The following ARHGAP35 variants were observed in gnomAD, a reference collection of about 807,000 sequenced individuals.
The protein encoded by ARHGAP35 is Rho GTPase activating protein 35, also known as rho GTPase-activating protein 35.
ARHGAP35 carries 15 observed loss-of-function variants against 111.1 expected under a neutral mutation model. That is an observed-to-expected ratio of 0.13 (90% confidence interval 0.09 to 0.21). ARHGAP35 has a LOEUF of 0.21. Ranked by LOEUF, ARHGAP35 falls within the 10% of genes least tolerant of loss-of-function variation. The pLI is 1.00. For missense variants in ARHGAP35, 1,262 were observed against 1,873.0 expected, an observed-to-expected ratio of 0.67 and a Z score of 6.02; for synonymous variants, 643 against 710.3, an observed-to-expected ratio of 0.91 and a Z score of 1.51.
intron 1 of ARHGAP35, among the ~76,000 whole-genome samples, chr19:46,870,952 A>G (rs1264186860): frequency 6.6e-6 from 1 of 152,232 alleles, no homozygotes; most frequent in East Asian, 1.9e-4. Context: ...ATGATGGGGC[A>G]TAATTCCCTT....
chr19:46,961,814 C>CGTGCTAATAA (rs2056484142), intron 3 of ARHGAP35, among the ~76,000 whole-genome samples: 1 of 152,066 alleles, frequency 6.6e-6, no homozygotes, highest in Non-Finnish European at 1.5e-5. Flanking sequence ...CCTGTAGTCC[C>CGTGCTAATAA]AACTACTCGG....
rs919586690 is a variant in ARHGAP35, at chr19:46,945,583, C to G, written c.3826+8175C>G. 5.9e-5 allele frequency among the ~76,000 whole-genome samples: 9 copies of G among 152,044 alleles called. No individual in the cohort carries two copies. Among genetic ancestry groups the G allele is most frequent in the African/African-American group, 2.2e-4 (9 of 41,402 alleles). Reference sequence around the variant, plus strand: ...CCTTCCTAGGATTCAAGAAATCTGACAGCATAGGAACCCCCTGAGGCAGCT... The same window carrying G: ...CCTTCCTAGGATTCAAGAAATCTGAGAGCATAGGAACCCCCTGAGGCAGCT... On this transcript the variant is annotated intron_variant, in intron 3 of 6. Coordinates refer to ENST00000672722, the MANE Select transcript of ARHGAP35 (RefSeq NM_004491.5). This position sits in a 1 kb window ranked among gnomAD's most constrained non-coding sequence, Gnocchi z 4.1.
intron 2 of ARHGAP35, among the ~76,000 whole-genome samples, chr19:46,927,210 G>C (rs568465515): frequency 6.6e-6 from 1 of 152,174 alleles, no homozygotes; most frequent in African/African-American, 2.4e-5. Flanking sequence ...CATGCATTTC[G>C]GTGCGTGGGC....
intron 2 of ARHGAP35, among the ~76,000 whole-genome samples, chr19:46,925,038 G>C (rs980603809): frequency 3.3e-5 from 5 of 152,098 alleles, no homozygotes; most frequent in Non-Finnish European, 7.4e-5. Context: ...TTCCTTCCCC[G>C]GGTTGCTGGG....
intron 1 of ARHGAP35, among the ~76,000 whole-genome samples, chr19:46,917,413 G>C (rs2056170266): frequency 6.6e-6 from 1 of 152,132 alleles, no homozygotes; most frequent in Admixed American, 6.5e-5. Context: ...TTTGAAACCA[G>C]CCCGGGCAAC....
At chr19:46,906,267 C>T (rs1442959722) in intron 1 of ARHGAP35, among the ~76,000 whole-genome samples, 1 of 152,122 alleles carries the variant, frequency 6.6e-6, no homozygotes, top group Non-Finnish European at 1.5e-5. Context: ...CATGATTGTG[C>T]CACTGTACTC....
In ARHGAP35 at chr19:46,986,862, CT is replaced by C. The variant is rs1234831929; in HGVS notation, c.3827-1125del. Among the ~76,000 whole-genome samples the C allele has an allele frequency of 1.3e-5, 2 of 152,182 alleles. No homozygotes were observed. Among genetic ancestry groups the C allele is most frequent in the Non-Finnish European group, 2.9e-5 (2 of 68,032 alleles). ...ATTTATTTTCAGACAGAGTTTTGCT[CT>C]TGTTGCCCAGGCTGGAGTGCAGTGG... On this transcript the variant is annotated intron_variant, in intron 3 of 6. Transcript: ENST00000672722. The surrounding 1 kb of genome is among the most constrained non-coding windows in gnomAD (Gnocchi z 4.3).
intron 3 of ARHGAP35, among the ~76,000 whole-genome samples, chr19:46,987,521 G>C (rs2056657748): frequency 6.6e-6 from 1 of 152,172 alleles, no homozygotes; most frequent in East Asian, 1.9e-4. Flanking sequence ...AGCCAACCCT[G>C]TATGATTAAC....
chr19:46,982,695 T>TC (rs2056627326), intron 3 of ARHGAP35, among the ~76,000 whole-genome samples: 1 of 152,036 alleles, frequency 6.6e-6, no homozygotes, highest in Non-Finnish European at 1.5e-5. Flanking sequence ...ATGGCAGTTC[T>TC]CCAAGTGTGG....
intron 5 of ARHGAP35, among the ~76,000 whole-genome samples, chr19:46,998,722 G>C (rs531473288): frequency 1.3e-5 from 2 of 152,276 alleles, no homozygotes; most frequent in African/African-American, 2.4e-5. Flanking sequence ...GATAGGCAAA[G>C]TGTGGGCGTT....
chr19:46,978,366 C>T lies in ARHGAP35; in HGVS notation c.3827-9623C>T, dbSNP rs971034816. Among the ~76,000 whole-genome samples the T allele has an allele frequency of 2.6e-5, 4 of 152,122 alleles. No homozygotes were observed. In the East Asian group the frequency reaches 5.8e-4, roughly 22 times the overall value. ...CTGAAGGAAGTTAACCTCTGCCCTC[C>T]TTAATGCTTGGGAGGAATCTGCTTG... On this transcript the variant is annotated intron_variant, in intron 3 of 6. Coordinates refer to ENST00000672722, the MANE Select transcript of ARHGAP35 (RefSeq NM_004491.5).
chr19:46,887,270 A>G (rs902366409), intron 1 of ARHGAP35, among the ~76,000 whole-genome samples: 1 of 152,208 alleles, frequency 6.6e-6, no homozygotes, highest in African/African-American at 2.4e-5. Context: ...AAGTAAAGAA[A>G]GGAATTTTTA....
At chr19:46,980,476 A>G (rs1436106216) in intron 3 of ARHGAP35, among the ~76,000 whole-genome samples, 2 of 152,212 alleles carry the variant, frequency 1.3e-5, no homozygotes, top group Non-Finnish European at 2.9e-5. Flanking sequence ...AGCCCCTGAG[A>G]GGAGAGGCGA....
chr19:46,984,785 G>T (rs1457725688), intron 3 of ARHGAP35, among the ~76,000 whole-genome samples: 1 of 152,206 alleles, frequency 6.6e-6, no homozygotes, highest in Non-Finnish European at 1.5e-5. Flanking sequence ...TGAAGTTTCA[G>T]CAGGTCCACA....
intron 3 of ARHGAP35, among the ~76,000 whole-genome samples, chr19:46,982,392 G>A (rs946458993): frequency 1.1e-4 from 16 of 151,736 alleles, no homozygotes; most frequent in Non-Finnish European, 1.2e-4. Flanking sequence ...CATGAGAATC[G>A]CTTGAACCCA....
At position 46,959,878 on chromosome 19, in the gene ARHGAP35, G is replaced by A. The variant is rs917476488; in HGVS notation, c.3826+22470G>A. Among the ~76,000 whole-genome samples, 27 of 151,870 alleles carry A rather than the reference G, an allele frequency of 1.8e-4. 1 individual carries two copies. The highest frequency in any genetic ancestry group is 1.1e-3 in the Admixed American group (17 of 15,262). On this transcript the variant is annotated intron_variant, in intron 3 of 6. Coordinates refer to ENST00000672722, the MANE Select transcript of ARHGAP35 (RefSeq NM_004491.5). Reference sequence around the variant, plus strand: ...TGGGAGGCAGAGGGGCTAGAGGATCGCTTGAGCCTAGGAGTTCGAGACCAG... The same window carrying A: ...TGGGAGGCAGAGGGGCTAGAGGATCACTTGAGCCTAGGAGTTCGAGACCAG...
chr19:46,900,490 G>T (rs2056079120), intron 1 of ARHGAP35, among the ~76,000 whole-genome samples: 1 of 152,128 alleles, frequency 6.6e-6, no homozygotes. Flanking sequence ...CAAACTGTTG[G>T]GATTACAGGC....
intron 3 of ARHGAP35, among the ~76,000 whole-genome samples, chr19:46,967,479 C>T (rs543425117): frequency 1.1e-4 from 16 of 152,300 alleles, no homozygotes; most frequent in Non-Finnish European, 2.9e-5. Flanking sequence ...TTTAGTCTCT[C>T]ACCCTCTTCT....
In ARHGAP35 at chr19:47,001,197, C is replaced by G. The variant is rs367882331; in HGVS notation, c.*509C>G. 1.6e-6 allele frequency: 2 copies of G among 1,256,424 alleles called. No individual in the cohort carries two copies. The highest frequency in any genetic ancestry group is 2.1e-6 in the Non-Finnish European group (2 of 973,648). 77.8% of individuals were successfully genotyped at this position (1,256,424 alleles called of 1,614,324 possible). A position where few individuals can be genotyped will look rare whatever the true frequency, so the allele number is the denominator to read the frequency against. On this transcript the variant is annotated 3_prime_UTR_variant, in exon 7 of 7. Transcript: ENST00000672722. This position sits in a 1 kb window ranked among gnomAD's most constrained non-coding sequence, Gnocchi z 5.4. ...GCCCGGCTGGCGGCCTCCTTGGGAA[C>G]GTGTAGGCCACGGCTCTGCCACCAC...
Sources: allele counts gnomAD v4.1 joint callset (sites outside exome capture counted in the v4.1 genomes callset), GRCh38; gene constraint gnomAD v4.1.1; non-coding constraint Gnocchi (gnomAD v3.1); transcripts MANE v1.5; gene names NCBI Gene and HGNC (gene_info 2026-07-23, HGNC 2026-07-21).